Variants in RNF220 observed in about 807,000 individuals in gnomAD.
RNF220 encodes the protein ring finger protein 220.
RNF220 carries 7 observed loss-of-function variants against 67.1 expected under a neutral mutation model. That is an observed-to-expected ratio of 0.10 (90% CI 0.06 to 0.20). RNF220 has a LOEUF of 0.20. Among genes scored for constraint, RNF220 ranks in the 10% least tolerant of loss-of-function variants. RNF220 has a pLI of 1.00. For synonymous variants in RNF220, 270 were observed against 283.2 expected (o/e 0.95, Z 0.47); for missense variants, 565 against 740.3 (o/e 0.76, Z 2.75).
At chr1:44,496,656 G>A (rs1287213554) in intron 2 of RNF220, among the ~76,000 whole-genome samples, 2 of 152,164 alleles carry the variant, frequency 1.3e-5, no homozygotes, top group African/African-American at 4.8e-5. Context: ...CCTCCACAGT[G>A]GCATGGTTTT....
chr1:44,634,597 G>A (rs1292587656), intron 6 of RNF220, among the ~76,000 whole-genome samples: 1 of 152,210 alleles, frequency 6.6e-6, no homozygotes, highest in African/African-American at 2.4e-5. Context: ...TCTGGTCCCA[G>A]AGTAGCCATC....
chr1:44,491,044 A>G (rs1458071727), intron 2 of RNF220, among the ~76,000 whole-genome samples: 3 of 152,088 alleles, frequency 2.0e-5, no homozygotes, highest in Non-Finnish European at 4.4e-5. Context: ...AGAAGAAGAA[A>G]AATCTGCATA....
At chr1:44,648,788 G>A (rs1450829832) in intron 12 of RNF220, 3 of 152,312 alleles carry the variant, frequency 2.0e-5, no homozygotes, top group African/African-American at 4.8e-5. Context: ...GTTTGCTCAC[G>A]TCCCATGCCT....
At chr1:44,429,189 A>T (rs1366971518) in intron 2 of RNF220, among the ~76,000 whole-genome samples, 2 of 151,328 alleles carry the variant, frequency 1.3e-5, no homozygotes, top group Non-Finnish European at 2.9e-5. Flanking sequence ...AGCTGGGGGG[A>T]GTAATGAATA....
intron 2 of RNF220, among the ~76,000 whole-genome samples, chr1:44,538,484 C>G (rs567672752): frequency 2.6e-5 from 4 of 152,262 alleles, no homozygotes; most frequent in Admixed American, 6.5e-5. Flanking sequence ...TGGCTTCTGC[C>G]CTCGCTACTG....
chr1:44,620,988 T>A (rs1226546281), intron 3 of RNF220, among the ~76,000 whole-genome samples: 1 of 150,280 alleles, frequency 6.7e-6, no homozygotes, highest in Non-Finnish European at 1.5e-5. Flanking sequence ...CAATCTCGGC[T>A]CACTCCAACT....
At chr1:44,647,406 G>C (rs1644682830) in intron 12 of RNF220, among the ~76,000 whole-genome samples, 1 of 152,180 alleles carries the variant, frequency 6.6e-6, no homozygotes, top group African/African-American at 2.4e-5. Flanking sequence ...AAATGCCAGG[G>C]AAGGAGCCTG....
At chr1:44,411,810 C>G (rs1454165100) in intron 1 of RNF220, among the ~76,000 whole-genome samples, 171 bp from the exon 2 acceptor site, 1 of 151,882 alleles carries the variant, frequency 6.6e-6, no homozygotes, top group African/African-American at 2.4e-5. Context: ...ATTGATTTTC[C>G]TGAATGAAAA....
At chr1:44,646,398 G>GA (rs1370143698) in intron 12 of RNF220, among the ~76,000 whole-genome samples, 2 of 152,280 alleles carry the variant, frequency 1.3e-5, no homozygotes, top group African/African-American at 4.8e-5. Context: ...CTGCTGGCAT[G>GA]ATGTATGGGC....
intron 2 of RNF220, among the ~76,000 whole-genome samples, chr1:44,605,096 C>T (rs746776558): frequency 2.0e-4 from 31 of 151,926 alleles, no homozygotes; most frequent in Non-Finnish European, 3.7e-4. Context: ...GTCAGGAGAT[C>T]GAGACCATCC....
At chr1:44,549,925 T>A (rs1662486943) in intron 2 of RNF220, among the ~76,000 whole-genome samples, 1 of 152,202 alleles carries the variant, frequency 6.6e-6, no homozygotes, top group Non-Finnish European at 1.5e-5. Flanking sequence ...TTATTTATCC[T>A]ACGCCTGGGC....
At chr1:44,635,186 C>A in intron 6 of RNF220, 1 of 214,870 alleles carries the variant, frequency 4.7e-6, no homozygotes, top group Non-Finnish European at 9.3e-6. Context: ...TTTCCTGACA[C>A]CAAAAGAGTT....
chr1:44,520,128 T>TGTGTGTGTGAGAGAGAGA (rs796131470), intron 2 of RNF220, among the ~76,000 whole-genome samples: 3 of 113,374 alleles, frequency 2.6e-5, no homozygotes, highest in African/African-American at 9.7e-5. Flanking sequence ...TGTGTGTGTG[T>TGTGTGTGTGAGAGAGAGA]GAGAGAGAGA....
chr1:44,462,969 A>G (rs949766984), intron 2 of RNF220, among the ~76,000 whole-genome samples: 14 of 151,136 alleles, frequency 9.3e-5, no homozygotes, highest in Admixed American at 4.0e-4. Context: ...GGAGCTTGCA[A>G]TGAGCTGAGA....
At chr1:44,584,224 G>A (rs1404213534) in intron 2 of RNF220, among the ~76,000 whole-genome samples, 1 of 152,116 alleles carries the variant, frequency 6.6e-6, no homozygotes, top group Non-Finnish European at 1.5e-5. Context: ...CCCTCCTTTG[G>A]TCCACTCAAT....
chr1:44,542,729 A>G (rs1661774279), intron 2 of RNF220, among the ~76,000 whole-genome samples: 1 of 152,240 alleles, frequency 6.6e-6, no homozygotes, highest in African/African-American at 2.4e-5. Context: ...ACCACCTCTC[A>G]TTTAATCCAC....
intron 2 of RNF220, among the ~76,000 whole-genome samples, chr1:44,596,771 C>T (rs1437599926): frequency 6.6e-6 from 1 of 152,172 alleles, no homozygotes; most frequent in African/African-American, 2.4e-5. Flanking sequence ...GTGAGCCTCC[C>T]CTCCCATCAT....
At position 44,640,651 on chromosome 1, in the gene RNF220, T is replaced by C. The variant is rs183804344; in HGVS notation, c.1127-4047T>C. The stretch of plus-strand genomic sequence containing the variant: ...GTGCGTTTGACACACGCCAACTCCC[T>C]GCCTCCACACTGGATAATTGCATTG... On this transcript the variant is annotated intron_variant, in intron 8 of 14. Transcript: ENST00000361799. Among the ~76,000 whole-genome samples the C allele has an allele frequency of 3.0e-3, 463 of 152,344 alleles. 3 individuals are homozygous for C. The highest frequency in any genetic ancestry group is 5.5e-3 in the Non-Finnish European group (371 of 68,034).
intron 2 of RNF220, among the ~76,000 whole-genome samples, chr1:44,594,040 G>T (rs2148378430): frequency 6.6e-6 from 1 of 151,680 alleles, no homozygotes; most frequent in Non-Finnish European, 1.5e-5. Context: ...AGCTGAGATG[G>T]CACCACTGTA....
Sources: allele counts gnomAD v4.1 joint callset (sites outside exome capture counted in the v4.1 genomes callset), GRCh38; gene constraint gnomAD v4.1.1; transcripts MANE v1.5; gene names NCBI Gene and HGNC (gene_info 2026-07-23, HGNC 2026-07-21).